The following SCARA5 variants were observed in gnomAD, a reference collection of about 807,000 sequenced individuals.
SCARA5 encodes the protein scavenger receptor class A, member 5 (putative).
Under a neutral mutation model 46.3 loss-of-function variants are expected in SCARA5, and 45 were observed. That is an observed-to-expected ratio of 0.97 (90% CI 0.76 to 1.24). SCARA5 has a LOEUF of 1.24. Among genes scored for constraint, SCARA5 ranks in the 50% most tolerant of loss-of-function variants. The pLI is 0.00. For missense variants in SCARA5, 680 were observed against 689.0 expected, an observed-to-expected ratio of 0.99 and a Z score of 0.15; for synonymous variants, 333 against 306.5, an observed-to-expected ratio of 1.09 and a Z score of -0.90.
intron 3 of SCARA5, among the ~76,000 whole-genome samples, chr8:27,949,472 G>C (rs1808088516): frequency 6.6e-6 from 1 of 152,234 alleles, no homozygotes; most frequent in African/African-American, 2.4e-5. Flanking sequence ...TGGGAAATAT[G>C]ATTATTACTG....
In SCARA5 at chr8:27,963,710, T is replaced by C. The variant is rs1808324252; in HGVS notation, c.241+2704A>G. Among the ~76,000 whole-genome samples the C allele has an allele frequency of 2.6e-5, 4 of 152,188 alleles. No homozygotes were observed. The South Asian group carries it at 8.3e-4, about 32-fold the overall frequency. ...TTCAGTATTTGGGCAAGAAGATGAA[T>C]TGAGAAAAGTCCTATGTGGGGCTTA... On this transcript the variant is annotated intron_variant, in intron 3 of 8. Coordinates refer to ENST00000354914, the MANE Select transcript of SCARA5 (RefSeq NM_173833.6).
At chr8:27,958,934 T>C (rs1808248777) in intron 3 of SCARA5, among the ~76,000 whole-genome samples, 1 of 152,090 alleles carries the variant, frequency 6.6e-6, no homozygotes, top group Non-Finnish European at 1.5e-5. Context: ...TGAGTGTCAC[T>C]AGAAAGTCTC....
At chr8:27,988,355 G>A (rs1347444404) in intron 1 of SCARA5, among the ~76,000 whole-genome samples, 1 of 152,210 alleles carries the variant, frequency 6.6e-6, no homozygotes, top group Non-Finnish European at 1.5e-5. Context: ...GGGTCTCTGG[G>A]TCTACGCCAT....
At position 27,910,578 on chromosome 8, in the gene SCARA5, G is replaced by C. The variant is rs113253339; in HGVS notation, c.917-835C>G. On this transcript the variant is annotated intron_variant, in intron 4 of 8. Transcript: ENST00000354914. ...AACCAGATCTGCACATGAGGAAGAC[G>C]GCTCAGGCTGCAGTGTGGAAACTGG... 4.8e-3 allele frequency among the ~76,000 whole-genome samples: 735 copies of C among 152,322 alleles called. 7 individuals carry two copies. The highest frequency in any genetic ancestry group is 0.017 in the African/African-American group (691 of 41,580).
At chr8:27,887,296 G>A (rs771385547) in intron 7 of SCARA5, among the ~76,000 whole-genome samples, 6 of 152,266 alleles carry the variant, frequency 3.9e-5, no homozygotes, top group South Asian at 2.1e-4. Flanking sequence ...TACCACTCCC[G>A]TGTGGGTATC....
At chr8:27,898,801 T>C (rs1807104168) in intron 7 of SCARA5, among the ~76,000 whole-genome samples, 1 of 152,134 alleles carries the variant, frequency 6.6e-6, no homozygotes, top group Admixed American at 6.5e-5. Context: ...AAGATTGAAT[T>C]CAAGTAACAA....
intron 2 of SCARA5, 67 bp downstream of exon 2, chr8:27,987,437 G>A (rs1808720498): frequency 1.9e-6 from 2 of 1,040,742 alleles, no homozygotes; most frequent in East Asian, 2.4e-5. Flanking sequence ...AGGTTGGGTG[G>A]TGGTAGGGCT....
chr8:27,948,596 G>A (rs1280091152), intron 3 of SCARA5, among the ~76,000 whole-genome samples: 1 of 152,232 alleles, frequency 6.6e-6, no homozygotes, highest in Non-Finnish European at 1.5e-5. Flanking sequence ...GCAGCTAGGG[G>A]CCTGGAGAGC....
chr8:27,974,695 A>G (rs374095839), intron 2 of SCARA5, among the ~76,000 whole-genome samples: 1,276 of 100,470 alleles, frequency 0.013, 19 homozygotes, highest in African/African-American at 0.044. Context: ...GGCAGCCACA[A>G]ATAACCTGTC....
chr8:27,984,563 C>CCAT (rs1563202294), intron 2 of SCARA5, among the ~76,000 whole-genome samples: 12 of 101,028 alleles, frequency 1.2e-4, no homozygotes, highest in Non-Finnish European at 1.6e-4. Flanking sequence ...CATTCATTCA[C>CCAT]CCATCCATTC....
At position 27,968,692 on chromosome 8, in the gene SCARA5, T is replaced by A. The variant is rs547617934; in HGVS notation, c.113-2150A>T. On this transcript the variant is annotated intron_variant, in intron 2 of 8. Transcript: ENST00000354914. ...TCAGCTCTCCTGCTCTGAGCCCTGCTGTCTCCTTAGCCTCATGACAGAATA... is the reference window on the plus strand; with the variant it reads ...TCAGCTCTCCTGCTCTGAGCCCTGCAGTCTCCTTAGCCTCATGACAGAATA... Among the ~76,000 whole-genome samples the A allele has an allele frequency of 7.2e-5, 11 of 152,372 alleles. No homozygotes were observed. The South Asian group carries it at 2.3e-3, about 32-fold the overall frequency.
At chr8:27,880,406 A>AT (rs1371159616) in intron 7 of SCARA5, among the ~76,000 whole-genome samples, 1 of 151,748 alleles carries the variant, frequency 6.6e-6, no homozygotes, top group Non-Finnish European at 1.5e-5. Flanking sequence ...AAAAAAAAAA[A>AT]ACCTATCAAC....
At chr8:27,905,620 T>C (rs904944458) in intron 6 of SCARA5, among the ~76,000 whole-genome samples, 3 of 151,630 alleles carry the variant, frequency 2.0e-5, no homozygotes, top group African/African-American at 7.3e-5. Flanking sequence ...ACAGTAGTTA[T>C]TCTAAAGAAT....
chr8:27,938,273 A>T (rs1351516889), intron 3 of SCARA5, among the ~76,000 whole-genome samples: 1 of 152,190 alleles, frequency 6.6e-6, no homozygotes, highest in Non-Finnish European at 1.5e-5. Context: ...GGGCACAGCA[A>T]TGTGAATATA....
chr8:27,942,261 T>A (rs1400086962), intron 3 of SCARA5, among the ~76,000 whole-genome samples: 1 of 152,072 alleles, frequency 6.6e-6, no homozygotes, highest in Non-Finnish European at 1.5e-5. Flanking sequence ...TTATCCCACC[T>A]CCTCCCTATG....
intron 7 of SCARA5, among the ~76,000 whole-genome samples, chr8:27,893,361 G>A (rs908325436): frequency 2.6e-5 from 4 of 152,178 alleles, no homozygotes; most frequent in Admixed American, 6.5e-5. Flanking sequence ...CTAGGGCTGC[G>A]ACCACGCTTG....
chr8:27,887,354 C>A (rs1221475983), intron 7 of SCARA5, among the ~76,000 whole-genome samples: 1 of 152,150 alleles, frequency 6.6e-6, no homozygotes, highest in Non-Finnish European at 1.5e-5. Context: ...GACTATCACA[C>A]TTTTCCTCTT....
chr8:27,932,690 G>A (rs569595497), intron 3 of SCARA5, among the ~76,000 whole-genome samples: 20 of 152,274 alleles, frequency 1.3e-4, no homozygotes, highest in African/African-American at 4.6e-4. Context: ...GGGCAATGGC[G>A]CAATCTCGGC....
At chr8:27,876,060 C>A (rs1421251708) in intron 8 of SCARA5, among the ~76,000 whole-genome samples, 2 of 152,126 alleles carry the variant, frequency 1.3e-5, no homozygotes, top group Admixed American at 1.3e-4. Flanking sequence ...AGGAGCTAGC[C>A]TGCAGGTGTG....
Sources: gnomAD v4.1 joint callset for allele counts (sites outside exome capture counted in the v4.1 genomes callset) on GRCh38, gnomAD v4.1.1 for gene constraint, MANE v1.5 for transcripts, NCBI Gene and HGNC (gene_info 2026-07-23, HGNC 2026-07-21) for gene names.